The following KIF26B variants were observed in gnomAD, a reference collection of about 807,000 sequenced individuals.
The protein encoded by KIF26B is kinesin-like protein KIF26B.
In KIF26B, 63 loss-of-function variants were observed where a neutral mutation model predicts 151.2. That is an observed-to-expected ratio of 0.42 (90% CI 0.34 to 0.51). The LOEUF is 0.51. Among genes scored for constraint, KIF26B ranks in the 20% least tolerant of loss-of-function variants. KIF26B has a pLI of 0.07. For synonymous variants in KIF26B, 1,357 were observed against 1,262.1 expected, an observed-to-expected ratio of 1.08 and a Z score of -1.59; for missense variants, 2,813 against 2,913.6, an observed-to-expected ratio of 0.97 and a Z score of 0.79.
At chr1:245,543,958 A>C (rs1199547227) in intron 5 of KIF26B, among the ~76,000 whole-genome samples, 1 of 151,956 alleles carries the variant, frequency 6.6e-6, no homozygotes, top group Admixed American at 6.6e-5. Flanking sequence ...AATAAAAAAG[A>C]AAAAGAAAAA....
chr1:245,562,503 G>A (rs1213204641), intron 5 of KIF26B, among the ~76,000 whole-genome samples: 4 of 151,868 alleles, frequency 2.6e-5, no homozygotes, highest in Non-Finnish European at 4.4e-5. Context: ...TATGCACACC[G>A]ATTTCCCCAC....
At chr1:245,682,783 T>C (rs145340660) in intron 10 of KIF26B, among the ~76,000 whole-genome samples, 188 of 152,344 alleles carry the variant, frequency 1.2e-3, no homozygotes, top group African/African-American at 4.4e-3. Context: ...CCAAGACGCA[T>C]CCAGGTGCAA....
At chr1:245,226,865 C>T (rs1481518531) in intron 2 of KIF26B, among the ~76,000 whole-genome samples, 3 of 152,216 alleles carry the variant, frequency 2.0e-5, no homozygotes, top group African/African-American at 7.2e-5. Flanking sequence ...TGGGCTTAAG[C>T]TTCTAATTTG....
chr1:245,678,856 T>C (rs951007479), intron 10 of KIF26B, among the ~76,000 whole-genome samples: 2 of 141,288 alleles, frequency 1.4e-5, no homozygotes, highest in Non-Finnish European at 3.2e-5. Flanking sequence ...GGGCAAGACT[T>C]CGTCTCAAAA....
chr1:245,532,315 G>A (rs1296412456), intron 4 of KIF26B, among the ~76,000 whole-genome samples: 10 of 142,468 alleles, frequency 7.0e-5, no homozygotes, highest in Non-Finnish European at 1.2e-4. Context: ...GCGCGATCTC[G>A]GCTCACTGCA....
At chr1:245,550,186 A>G (rs1389194786) in intron 5 of KIF26B, among the ~76,000 whole-genome samples, 2 of 152,172 alleles carry the variant, frequency 1.3e-5, no homozygotes, top group African/African-American at 2.4e-5. Flanking sequence ...TCAGATATCA[A>G]TTTTGTCCAC....
chr1:245,415,512 C>T (rs1213788995), intron 3 of KIF26B, among the ~76,000 whole-genome samples: 1 of 152,096 alleles, frequency 6.6e-6, no homozygotes, highest in Non-Finnish European at 1.5e-5. Flanking sequence ...GACCTGCATA[C>T]CAGTGTATGC....
intron 4 of KIF26B, among the ~76,000 whole-genome samples, chr1:245,437,754 A>G (rs1658971320): frequency 6.6e-6 from 1 of 152,192 alleles, no homozygotes; most frequent in Non-Finnish European, 1.5e-5. Context: ...ATACACCTGG[A>G]GCTTCAAAAT....
intron 9 of KIF26B, among the ~76,000 whole-genome samples, chr1:245,636,551 T>A (rs576820703): frequency 6.6e-6 from 1 of 151,800 alleles, no homozygotes; most frequent in South Asian, 2.1e-4. Context: ...ATGTTTATTA[T>A]TAACTATAGT....
chr1:245,242,632 A>G (rs997974516), intron 2 of KIF26B, among the ~76,000 whole-genome samples: 2 of 141,580 alleles, frequency 1.4e-5, no homozygotes, highest in African/African-American at 5.0e-5. Context: ...GTTCCATTGT[A>G]TATATATGTG....
chr1:245,347,511 G>A (rs534603798), intron 2 of KIF26B, among the ~76,000 whole-genome samples: 1 of 152,054 alleles, frequency 6.6e-6, no homozygotes, highest in South Asian at 2.1e-4. Context: ...TTTGAGAGAT[G>A]GGGTCTTGCT....
At position 245,426,804 on chromosome 1, in the gene KIF26B, T is replaced by C. The variant is rs1658659646; in HGVS notation, c.1166+7059T>C. ...CTGCTCTTCGTGCTGTGTATCCTCA[T>C]GTGACCATACGGAGAGCTGTTACTG... is the stretch of plus-strand genomic sequence containing the variant. On this transcript the variant is annotated intron_variant, in intron 4 of 14. Coordinates refer to ENST00000407071, the MANE Select transcript of KIF26B (RefSeq NM_018012.4). 1.3e-5 allele frequency among the ~76,000 whole-genome samples: 2 copies of C among 152,242 alleles called. 1 individual carries two copies. Among genetic ancestry groups the C allele is most frequent in the South Asian group, 4.1e-4 (2 of 4,830 alleles).
Position 245,698,936 on chromosome 1 carries a change from A to G in KIF26B, c.6077A>G (p.Gln2026Arg), listed in dbSNP as rs779181077. ...CTGAAGATTCTGGAACACCGCCAGC[A>G]GAGGATCGCCGAGGTCCGCGCGAAG... ...AKLKILEHRQQRIAEVRAKYE... is the reference protein window; with the variant it reads ...AKLKILEHRQRRIAEVRAKYE... The change falls in exon 14 of 15, where the codon CAG (glutamine) becomes CGG (arginine). Residue 2026 changes from glutamine to arginine, a missense_variant. Physicochemically the swap from Gln to Arg is conservative, Grantham distance 43. This residue lies in a region of KIF26B where 2,060 missense variants were observed against 2,088.6 expected (regional missense o/e 0.99). Transcript: ENST00000407071. The surrounding 1 kb of genome is among the most constrained non-coding windows in gnomAD (Gnocchi z 4.0). 7.4e-6 allele frequency: 12 copies of G among 1,614,056 alleles called. No homozygotes were observed. Among genetic ancestry groups the G allele is most frequent in the Non-Finnish European group, 9.3e-6 (11 of 1,179,890 alleles).
At chr1:245,614,429 T>A (rs2043562640) in intron 9 of KIF26B, among the ~76,000 whole-genome samples, 1 of 152,212 alleles carries the variant, frequency 6.6e-6, no homozygotes, top group South Asian at 2.1e-4. Flanking sequence ...CGCCTCAGCC[T>A]CCCAAAGTGT....
intron 2 of KIF26B, among the ~76,000 whole-genome samples, chr1:245,263,717 G>A (rs1670693230): frequency 6.6e-6 from 1 of 152,216 alleles, no homozygotes; most frequent in African/African-American, 2.4e-5. Context: ...AAAAAGGTAA[G>A]CACTGTGGAG....
At chr1:245,362,643 A>T (rs1672851753) in intron 2 of KIF26B, among the ~76,000 whole-genome samples, 1 of 152,070 alleles carries the variant, frequency 6.6e-6, no homozygotes. Context: ...GACAATGGCT[A>T]ATTAAGATTT....
At chr1:245,299,257 T>C (rs1671386469) in intron 2 of KIF26B, among the ~76,000 whole-genome samples, 1 of 151,208 alleles carries the variant, frequency 6.6e-6, no homozygotes. Flanking sequence ...GAAAATGAAA[T>C]CCTTTTTCCA....
Position 245,609,340 on chromosome 1 carries a change from C to T in KIF26B, c.1726C>T (p.Leu576Phe). The part of the protein sequence containing the change: ...LGIIPCAISW[L>F]FKLINERKEK... ...CATCATTCCCTGTGCCATCTCTTGG[C>T]TCTTCAAGCTCATAAACGAACGCAA... is the stretch of plus-strand genomic sequence containing the variant. The change falls in exon 8 of 15, where the codon CTC becomes TTC. Residue 576 changes from leucine to phenylalanine, a missense_variant. By Grantham distance (22) the Leu-to-Phe change is conservative. Around this residue, in one of 3 missense-constraint regions of KIF26B, gnomAD observed 77 missense variants for 136.9 expected, o/e 0.56. Coordinates refer to ENST00000407071, the MANE Select transcript of KIF26B (RefSeq NM_018012.4). 6.2e-7 allele frequency: 1 copy of T among 1,610,974 alleles called. No individual in the cohort carries two copies. Among genetic ancestry groups the T allele is most frequent in the South Asian group, 1.1e-5 (1 of 90,048 alleles).
chr1:245,340,415 T>C (rs1672313232), intron 2 of KIF26B, among the ~76,000 whole-genome samples: 1 of 151,872 alleles, frequency 6.6e-6, no homozygotes, highest in African/African-American at 2.4e-5. Context: ...TTTTTCTGAA[T>C]ACTTTTAATC....
Sources: gnomAD v4.1 joint callset for allele counts (sites outside exome capture counted in the v4.1 genomes callset) on GRCh38, gnomAD v4.1.1 for gene constraint, gnomAD v4.1.1 regional missense constraint, Gnocchi (gnomAD v3.1) non-coding constraint, MANE v1.5 for transcripts, NCBI Gene and HGNC (gene_info 2026-07-23, HGNC 2026-07-21) for gene names.